Variants in AFF3 observed in about 807,000 individuals in gnomAD.
AFF3 encodes ALF transcription elongation factor 3.
A neutral mutation model predicts 129.7 loss-of-function variants in AFF3; 32 were observed. That is an observed-to-expected ratio of 0.25 (90% CI 0.19 to 0.33). The LOEUF is 0.33. Ranked by LOEUF, AFF3 falls within the 10% of genes least tolerant of loss-of-function variation. AFF3 has a pLI of 1.00. For synonymous variants in AFF3, 644 were observed against 635.4 expected (o/e 1.01, Z -0.20); for missense variants, 1,373 against 1,592.0 (o/e 0.86, Z 2.34).
At chr2:99,684,424 T>C (rs1003487348) in intron 11 of AFF3, among the ~76,000 whole-genome samples, 23 of 152,160 alleles carry the variant, frequency 1.5e-4, no homozygotes, top group African/African-American at 5.3e-4. Flanking sequence ...CTTCAGCTGC[T>C]TGTGACTAGA....
chr2:99,989,429 T>A (rs1680148731), intron 7 of AFF3, among the ~76,000 whole-genome samples: 1 of 152,232 alleles, frequency 6.6e-6, no homozygotes, highest in African/African-American at 2.4e-5. Context: ...CCATTAACAC[T>A]GCAGTCCTAG....
At chr2:99,864,108 G>T (rs1691197784) in intron 7 of AFF3, among the ~76,000 whole-genome samples, 1 of 152,178 alleles carries the variant, frequency 6.6e-6, no homozygotes, top group Non-Finnish European at 1.5e-5. Flanking sequence ...ACTAATCTCA[G>T]CCACTGTGGT....
At chr2:99,834,339 T>A (rs1480898528) in intron 8 of AFF3, among the ~76,000 whole-genome samples, 1 of 152,204 alleles carries the variant, frequency 6.6e-6, no homozygotes, top group East Asian at 1.9e-4. Flanking sequence ...AAAATGGGAA[T>A]GTTACCAATG....
chr2:99,621,854 A>G (rs1168344259), intron 13 of AFF3, among the ~76,000 whole-genome samples: 1 of 152,148 alleles, frequency 6.6e-6, no homozygotes, highest in Admixed American at 6.5e-5. Flanking sequence ...AGCGGGTGGA[A>G]TAACAGGAGG....
At chr2:99,930,570 T>C (rs1178547210) in intron 7 of AFF3, among the ~76,000 whole-genome samples, 2 of 152,208 alleles carry the variant, frequency 1.3e-5, no homozygotes, top group Admixed American at 1.3e-4. Context: ...CTTCTCTCCC[T>C]CTTTCTCTTT....
At chr2:99,718,807 G>C (rs1030615428) in intron 11 of AFF3, among the ~76,000 whole-genome samples, 6 of 151,108 alleles carry the variant, frequency 4.0e-5, no homozygotes, top group South Asian at 2.1e-4. Flanking sequence ...CTGGACTGCA[G>C]TGGCACGATC....
rs577649271 is a variant in AFF3 at position 99,734,069 on chromosome 2, C to T, written c.1040-6941G>A. 2.0e-5 allele frequency among the ~76,000 whole-genome samples: 3 copies of T among 152,198 alleles called. No individual in the cohort carries two copies. In the East Asian group the frequency reaches 5.8e-4, roughly 29 times the overall value. On this transcript the variant is annotated intron_variant, in intron 10 of 24. Transcript: ENST00000672756. ...TCCAATTCATGTACTTGGTATTAGG[C>T]GTCTCCATTTATTTTGATATTTCTT...
At chr2:99,715,674 C>CTTTTT in intron 11 of AFF3, among the ~76,000 whole-genome samples, 1 of 136,132 alleles carries the variant, frequency 7.3e-6, no homozygotes, top group African/African-American at 2.7e-5. Flanking sequence ...CATTTCAAAT[C>CTTTTT]TTTTTTTTTT....
intron 7 of AFF3, among the ~76,000 whole-genome samples, chr2:99,896,054 G>A (rs899339890): frequency 2.4e-5 from 3 of 124,762 alleles, no homozygotes; most frequent in Non-Finnish European, 3.2e-5. Context: ...GAGTGACAGA[G>A]TGAGACTCCT....
intron 4 of AFF3, among the ~76,000 whole-genome samples, chr2:100,020,119 G>A (rs1683464238): frequency 6.6e-6 from 1 of 152,074 alleles, no homozygotes; most frequent in African/African-American, 2.4e-5. Flanking sequence ...CCCTAAACAT[G>A]CAATCTGGTT....
intron 4 of AFF3, among the ~76,000 whole-genome samples, chr2:100,014,650 C>T (rs190236513): frequency 5.3e-5 from 8 of 152,084 alleles, no homozygotes; most frequent in South Asian, 2.1e-4. Context: ...CTTGAGAAAA[C>T]GGCAGGTTAA....
At chr2:99,821,552 T>C (rs753377523) in intron 8 of AFF3, among the ~76,000 whole-genome samples, 2 of 152,214 alleles carry the variant, frequency 1.3e-5, no homozygotes, top group African/African-American at 2.4e-5. Flanking sequence ...GAATTTTTGT[T>C]GGGCCGCATT....
chr2:99,994,778 G>A (rs1680681472), intron 7 of AFF3, among the ~76,000 whole-genome samples: 1 of 152,160 alleles, frequency 6.6e-6, no homozygotes, highest in Non-Finnish European at 1.5e-5. Flanking sequence ...TGCTATGCTT[G>A]AACTCATTCT....
At chr2:99,894,123 T>C (rs1182500518) in intron 7 of AFF3, among the ~76,000 whole-genome samples, 1 of 150,810 alleles carries the variant, frequency 6.6e-6, no homozygotes, top group African/African-American at 2.4e-5. Context: ...GAACCAGTAA[T>C]GGAACACTAG....
chr2:99,651,854 C>T (rs771737782), intron 12 of AFF3, among the ~76,000 whole-genome samples: 5 of 152,130 alleles, frequency 3.3e-5, no homozygotes, highest in Non-Finnish European at 7.3e-5. Context: ...CACCTCAGAA[C>T]CATTTTCTCT....
At chr2:100,067,036 T>C (rs1317776064) in intron 4 of AFF3, among the ~76,000 whole-genome samples, 1 of 152,136 alleles carries the variant, frequency 6.6e-6, no homozygotes, top group Non-Finnish European at 1.5e-5. Flanking sequence ...TATCTTCAAC[T>C]CCAGGGTTAT....
chr2:100,092,400 G>A (rs1040706948), intron 4 of AFF3, among the ~76,000 whole-genome samples: 2 of 152,072 alleles, frequency 1.3e-5, no homozygotes, highest in African/African-American at 2.4e-5. Flanking sequence ...CTGACCTCCT[G>A]ACCTTCAGAC....
intron 10 of AFF3, among the ~76,000 whole-genome samples, chr2:99,734,168 A>G (rs939262313): frequency 6.6e-6 from 1 of 152,218 alleles, no homozygotes; most frequent in Non-Finnish European, 1.5e-5. Flanking sequence ...ATTGCTTAGT[A>G]ACTTATATTT....
chr2:100,010,587 C>T (rs1682439658), intron 4 of AFF3, among the ~76,000 whole-genome samples: 2 of 152,168 alleles, frequency 1.3e-5, no homozygotes, highest in Admixed American at 6.5e-5. Context: ...CAACCAGTGA[C>T]CTTCATATAA....
Sources: allele counts gnomAD v4.1 joint callset (sites outside exome capture counted in the v4.1 genomes callset), GRCh38; gene constraint gnomAD v4.1.1; transcripts MANE v1.5; gene names NCBI Gene and HGNC (gene_info 2026-07-23, HGNC 2026-07-21).